The following NUP155 variants were observed in gnomAD, a reference collection of about 807,000 sequenced individuals.
NUP155 encodes the protein nucleoporin 155.
Under a neutral mutation model 180.4 loss-of-function variants are expected in NUP155, and 71 were observed. That is an observed-to-expected ratio of 0.39 (90% CI 0.33 to 0.48). The LOEUF (loss-of-function observed/expected upper bound fraction) is 0.48, where lower values mean the gene tolerates loss of function less well. NUP155 is among the 20% of genes least tolerant of loss of function. NUP155 has a pLI of 0.91. For synonymous variants in NUP155, 582 were observed against 559.5 expected (o/e 1.04, Z -0.57); for missense variants, 1,553 against 1,648.9 (o/e 0.94, Z 1.01).
intron 16 of NUP155, 136 bp from the exon 17 acceptor site, chr5:37,328,556 T>C: frequency 7.6e-6 from 5 of 654,158 alleles, no homozygotes; most frequent in Non-Finnish European, 1.4e-5. Flanking sequence ...CAGGCTGGAG[T>C]GCAGTGGCAT....
chr5:37,340,979 G>C, intron 11 of NUP155, 111 bp downstream of exon 11: 1 of 918,148 alleles, frequency 1.1e-6, no homozygotes, highest in Non-Finnish European at 1.7e-6. Context: ...CCTTCTAGTA[G>C]TTCCCAGTTT....
chr5:37,298,777 T>C (rs1019262416), intron 32 of NUP155, 91 bp downstream of exon 32: 1 of 764,358 alleles, frequency 1.3e-6, no homozygotes, highest in Admixed American at 2.0e-5. Flanking sequence ...AGAAACTCTT[T>C]ATTTTACTCG....
At chr5:37,316,614 G>A (rs377400981) in intron 21 of NUP155, among the ~76,000 whole-genome samples, 1 of 151,954 alleles carries the variant, frequency 6.6e-6, no homozygotes, top group African/African-American at 2.4e-5. Context: ...ACAGGTGCCC[G>A]CCACCACGCC....
Position 37,302,823 on chromosome 5 carries a change from CTA to C in NUP155, c.3401_3402del (p.Ile1134SerfsTer5). 1 of 1,613,898 alleles carries C rather than the reference CTA, an allele frequency of 6.2e-7. No homozygotes were observed. Among genetic ancestry groups the C allele is most frequent in the Non-Finnish European group, 8.5e-7 (1 of 1,179,844 alleles). On this transcript the variant is annotated frameshift_variant, in exon 29 of 35. Coordinates refer to ENST00000231498, the MANE Select transcript of NUP155 (RefSeq NM_153485.3). LOFTEE classifies it high-confidence loss of function. ...TCATGAAGAAATTCACCATCGGCAG[CTA>C]TTGATGAAATGGCAGTGGAACTTTT... is the stretch of plus-strand genomic sequence containing the variant. ...SAKSSTAISSIAADGEFLHEL... is the reference protein window; with the variant it reads ...SAKSSTAISSXAADGEFLHEL...
intron 1 of NUP155, among the ~76,000 whole-genome samples, chr5:37,370,379 T>C (rs1425423564): frequency 2.6e-5 from 4 of 152,008 alleles, no homozygotes; most frequent in Non-Finnish European, 5.9e-5. Context: ...TCTCAATAAA[T>C]AAACAAATAA....
intron 23 of NUP155, 82 bp from the exon 24 acceptor site, chr5:37,309,349 T>C: frequency 1.8e-6 from 2 of 1,125,904 alleles, no homozygotes; most frequent in Non-Finnish European, 2.6e-6. Flanking sequence ...TTAGTCTATG[T>C]CTAAATTTAT....
chr5:37,320,765 C>A, intron 20 of NUP155, among the ~76,000 whole-genome samples: 1 of 151,600 alleles, frequency 6.6e-6, no homozygotes. Context: ...GAAAAAAAAC[C>A]AAACAAACTA....
At chr5:37,354,939 A>C (rs923433870) in intron 4 of NUP155, among the ~76,000 whole-genome samples, 1 of 151,870 alleles carries the variant, frequency 6.6e-6, no homozygotes, top group Non-Finnish European at 1.5e-5. Flanking sequence ...TAAAAATACA[A>C]AAATTAGCCG....
intron 9 of NUP155, among the ~76,000 whole-genome samples, chr5:37,344,069 G>T (rs145274001): frequency 3.9e-5 from 6 of 152,176 alleles, no homozygotes; most frequent in Non-Finnish European, 8.8e-5. Context: ...GCTTGGTGAG[G>T]TGGCTCATGC....
At chr5:37,329,104 T>G in intron 16 of NUP155, 86 bp downstream of exon 16, 1 of 915,302 alleles carries the variant, frequency 1.1e-6, no homozygotes, top group Non-Finnish European at 1.8e-6. Flanking sequence ...TAAAACATAA[T>G]GAAAAGGCTT....
In NUP155 at chr5:37,333,633, T is replaced by C. The variant is rs374935918; in HGVS notation, c.1348A>G (p.Met450Val). ...PFQKPMMETQ[M>V]TAGVDGHSWA... ...GAATGACCATCAACACCAGCTGTCA[T>C]CTATGTAAAAGAAATAAATGTTTTA... Residue 450 changes from methionine to valine, a missense_variant and splice_region_variant, in exon 13 of 35, where the codon ATG (methionine) becomes GTG (valine). Met to Val is a conservative substitution (Grantham distance 21). Transcript: ENST00000231498. 24 of 1,612,148 alleles carry C rather than the reference T, an allele frequency of 1.5e-5. No homozygotes were observed. Among genetic ancestry groups the C allele is most frequent in the Middle Eastern group, 3.4e-4 (2 of 5,842 alleles).
At chr5:37,364,039 T>C in intron 2 of NUP155, 55 bp from the exon 3 acceptor site, 1 of 1,357,304 alleles carries the variant, frequency 7.4e-7, no homozygotes, top group Non-Finnish European at 1.1e-6. Context: ...TTCTTTAACT[T>C]GTTTCAATAG....
chr5:37,295,206 C>G (rs1398223326), intron 32 of NUP155, among the ~76,000 whole-genome samples: 1 of 152,138 alleles, frequency 6.6e-6, no homozygotes. Context: ...GCCGCCACGC[C>G]TGACTGGTTT....
intron 30 of NUP155, chr5:37,301,220 C>T: frequency 2.0e-6 from 1 of 490,174 alleles, no homozygotes. Context: ...ATGATAGGTT[C>T]TTTGTAGCTA....
chr5:37,309,633 G>A (rs1743402360), intron 23 of NUP155: 1 of 199,882 alleles, frequency 5.0e-6, no homozygotes, highest in Non-Finnish European at 1.0e-5. Context: ...AGATTTACTT[G>A]AAGTTTTAGT....
intron 20 of NUP155, among the ~76,000 whole-genome samples, chr5:37,320,029 G>T (rs958829286): frequency 1.1e-4 from 16 of 151,608 alleles, no homozygotes; most frequent in Admixed American, 6.6e-5. Flanking sequence ...AGAAAAATAA[G>T]AAAAAATCAG....
intron 20 of NUP155, among the ~76,000 whole-genome samples, chr5:37,322,523 C>T (rs968539539): frequency 2.0e-5 from 3 of 151,674 alleles, no homozygotes; most frequent in African/African-American, 4.8e-5. Context: ...CTGGCTAACA[C>T]GGTGAAACCC....
At chr5:37,305,529 A>G (rs1743106239) in intron 25 of NUP155, among the ~76,000 whole-genome samples, 1 of 152,120 alleles carries the variant, frequency 6.6e-6, no homozygotes, top group Admixed American at 6.6e-5. Flanking sequence ...CAAAAATACA[A>G]AAATTAGCCG....
At chr5:37,324,842 C>CT (rs1334182694) in intron 19 of NUP155, among the ~76,000 whole-genome samples, 1 of 152,146 alleles carries the variant, frequency 6.6e-6, no homozygotes, top group Non-Finnish European at 1.5e-5. Flanking sequence ...AACTCATGAA[C>CT]TTTAAGAGCC....
Sources: allele counts gnomAD v4.1 joint callset (sites outside exome capture counted in the v4.1 genomes callset), GRCh38; gene constraint gnomAD v4.1.1; transcripts MANE v1.5; gene names NCBI Gene and HGNC (gene_info 2026-07-23, HGNC 2026-07-21).